The following OAS2 variants were observed in gnomAD, a reference collection of about 807,000 sequenced individuals.
OAS2 encodes the protein 2'-5'-oligoadenylate synthase 2.
OAS2 carries 67 observed loss-of-function variants against 71.3 expected under a neutral mutation model. The ratio of observed to expected loss-of-function variants is 0.94; its 90% CI spans 0.77 to 1.15. The LOEUF (loss-of-function observed/expected upper bound fraction) is 1.15. OAS2 is among the 50% of genes most tolerant of loss of function. The pLI, the probability that OAS2 is intolerant of heterozygous loss-of-function variation, is 0.00. For synonymous variants in OAS2, 327 were observed against 321.8 expected, an observed-to-expected ratio of 1.02 and a Z score of -0.17; for missense variants, 789 against 822.5, an observed-to-expected ratio of 0.96 and a Z score of 0.50.
At chr12:112,996,879 A>G (rs146558277) in intron 3 of OAS2, among the ~76,000 whole-genome samples, 28 of 152,300 alleles carry the variant, frequency 1.8e-4, no homozygotes, top group African/African-American at 6.5e-4. Flanking sequence ...AGGGAACGTT[A>G]GCTCTGGCTC....
intron 1 of OAS2, among the ~76,000 whole-genome samples, chr12:112,981,345 T>C (rs774061932): frequency 6.6e-5 from 10 of 152,170 alleles, no homozygotes; most frequent in Admixed American, 2.0e-4. Context: ...AATTTTATCA[T>C]TTCAGGCCTT....
chr12:113,008,100 C>T (rs1308088455), intron 9 of OAS2, among the ~76,000 whole-genome samples, 157 bp downstream of exon 9: 3 of 152,164 alleles, frequency 2.0e-5, no homozygotes, highest in African/African-American at 4.8e-5. Context: ...GGGATAAAAC[C>T]TAGCAGGGGC....
intron 1 of OAS2, among the ~76,000 whole-genome samples, chr12:112,985,544 A>T (rs2044126992): frequency 6.6e-6 from 1 of 152,204 alleles, no homozygotes. Flanking sequence ...TTTCTCATTC[A>T]GAGCATAAAT....
chr12:112,991,132 T>A (rs1300505777), intron 2 of OAS2, among the ~76,000 whole-genome samples: 1 of 152,220 alleles, frequency 6.6e-6, no homozygotes, highest in Non-Finnish European at 1.5e-5. Context: ...CAAACCCACA[T>A]GATGCTAGCT....
intron 2 of OAS2, chr12:112,988,106 G>C: frequency 1.0e-6 from 1 of 985,342 alleles, no homozygotes; most frequent in Non-Finnish European, 1.2e-6. Context: ...AATATTTAAG[G>C]CCATACAAAA....
Position 112,978,598 on chromosome 12 carries a change from A to C in OAS2, c.-11A>C, listed in dbSNP as rs1279501714. The C allele has an allele frequency of 2.5e-6, 4 of 1,613,612 alleles. No individual in the cohort carries two copies. The highest frequency in any genetic ancestry group is 3.4e-6 in the Non-Finnish European group (4 of 1,179,740). The stretch of plus-strand genomic sequence containing the variant: ...ACCATTCACTGTCTTGCCGGCAGCC[A>C]GCTGAGAGCAATGGGAAATGGGGAG... On this transcript the variant is annotated 5_prime_UTR_variant, in exon 1 of 10. Transcript: ENST00000392583. The surrounding 1 kb of genome is among the most constrained non-coding windows in gnomAD (Gnocchi z 4.2).
Position 113,009,631 on chromosome 12 carries a change from C to T in OAS2, c.*376C>T, listed in dbSNP as rs1263224388. The T allele has an allele frequency of 1.2e-5, 12 of 995,698 alleles. No homozygotes were observed. The highest frequency in any genetic ancestry group is 8.7e-5 in the African/African-American group (5 of 57,594). The allele number at this position is 995,698 out of a possible 1,614,324, so 61.7% of individuals were successfully genotyped here. A position where few individuals can be genotyped will look rare whatever the true frequency, so the allele number is the denominator to read the frequency against. ...GTACTTATGGCCCTGAAAGCGGCCA[C>T]GGTGCCTCCAGATGGCAGGTTTGCA... On this transcript the variant is annotated 3_prime_UTR_variant, in exon 10 of 10. Transcript: ENST00000392583.
chr12:112,982,889 T>C (rs2136375536), intron 1 of OAS2, among the ~76,000 whole-genome samples: 1 of 152,326 alleles, frequency 6.6e-6, no homozygotes, highest in Non-Finnish European at 1.5e-5. Context: ...TGTTTCTTCC[T>C]GGATCAATCT....
chr12:113,000,231 T>C (rs534617702), intron 5 of OAS2, among the ~76,000 whole-genome samples: 106 of 152,328 alleles, frequency 7.0e-4, no homozygotes, highest in African/African-American at 2.5e-3. Context: ...ATTGGGATGA[T>C]TTCGACAGTC....
At chr12:112,997,786 C>A in intron 4 of OAS2, 31 bp downstream of exon 4, 4 of 1,453,022 alleles carry the variant, frequency 2.8e-6, no homozygotes, top group Non-Finnish European at 3.7e-6. Context: ...TATCCCTGTA[C>A]CTCATCATCC....
At position 113,011,361 on chromosome 12, in the gene OAS2, G is replaced by A. The variant is rs2044379122; in HGVS notation, c.*2106G>A. 1 of 152,178 alleles carries A rather than the reference G, an allele frequency of 6.6e-6. No homozygotes were observed. The highest frequency in any genetic ancestry group is 6.5e-5 in the Admixed American group (1 of 15,282). 9.4% of individuals were successfully genotyped at this position (152,178 alleles called of 1,614,324 possible). Reference sequence around the variant, plus strand: ...CCCATGGTGGGCCCTTAGTTTCAAGGAAGGAGTTGGCCAAGCCAGAAAGAC... The same window carrying A: ...CCCATGGTGGGCCCTTAGTTTCAAGAAAGGAGTTGGCCAAGCCAGAAAGAC... On this transcript the variant is annotated 3_prime_UTR_variant, in exon 10 of 10. Transcript: ENST00000392583.
chr12:112,995,449 T>A lies in OAS2; in HGVS notation c.602T>A (p.Leu201His). The A allele has an allele frequency of 6.2e-7, 1 of 1,613,994 alleles. No individual in the cohort carries two copies. Among genetic ancestry groups the A allele is most frequent in the East Asian group, 2.2e-5 (1 of 44,888 alleles). ...NRPGKLKDLI[L>H]LIKHWHQQCQ... ...CCTGGAAAACTAAAGGATTTGATCC[T>A]CTTGATAAAGCACTGGCATCAACAG... Residue 201 changes from leucine (L) to histidine (H), a missense_variant, in exon 3 of 10, where the codon CTC (leucine) becomes CAC (histidine). Physicochemically the swap from Leu to His is moderately conservative, Grantham distance 99. Transcript: ENST00000392583.
At position 112,978,657 on chromosome 12, in the gene OAS2, G is replaced by A. The variant is rs1565987267; in HGVS notation, c.49G>A (p.Gly17Ser). ...GTCCTCGGTGCCTGCTCAGAAGCTGGGTTGGTTTATCCAGGAATACCTGAA... is the reference window on the plus strand; with the variant it reads ...GTCCTCGGTGCCTGCTCAGAAGCTGAGTTGGTTTATCCAGGAATACCTGAA... ...QLSSVPAQKL[G>S]WFIQEYLKPY... is the part of the protein sequence containing the mutation. The change falls in exon 1 of 10, where the codon GGT becomes AGT. Residue 17 changes from glycine (G) to serine (S), a missense_variant. By Grantham distance (56) the Gly-to-Ser change is moderately conservative. Transcript: ENST00000392583. The surrounding 1 kb of genome is among the most constrained non-coding windows in gnomAD (Gnocchi z 4.2). 1 of 1,614,142 alleles carries A rather than the reference G, an allele frequency of 6.2e-7. No homozygotes were observed. Among genetic ancestry groups the A allele is most frequent in the Non-Finnish European group, 8.5e-7 (1 of 1,180,016 alleles).
rs773220214 is a variant in OAS2 at position 112,978,693 on chromosome 12, G to C, written c.85G>C (p.Glu29Gln). Residue 29 changes from glutamate (E) to glutamine (Q), a missense_variant, in exon 1 of 10, where the codon GAA becomes CAA. By Grantham distance (29) the Glu-to-Gln change is conservative (BLOSUM62 2). Transcript: ENST00000392583. This position sits in a 1 kb window ranked among gnomAD's most constrained non-coding sequence, Gnocchi z 4.2. Reference protein sequence around the residue: ...FIQEYLKPYEECQTLIDEMVN... With the variant: ...FIQEYLKPYEQCQTLIDEMVN... ...CCAGGAATACCTGAAGCCCTACGAA[G>C]AATGTCAGACACTGATCGACGAGAT... 6.2e-7 allele frequency: 1 copy of C among 1,614,178 alleles called. No homozygotes were observed. The highest frequency in any genetic ancestry group is 8.5e-7 in the Non-Finnish European group (1 of 1,180,034).
intron 2 of OAS2, chr12:112,987,764 G>A (rs1442629752): frequency 4.0e-6 from 4 of 997,830 alleles, no homozygotes; most frequent in Admixed American, 6.0e-5. Flanking sequence ...AGTCCAGCTG[G>A]GGCAAGCATT....
In OAS2 at chr12:113,011,311, G is replaced by C. The variant is rs1058480; in HGVS notation, c.*2056G>C. 116,659 of 152,170 alleles carry C rather than the reference G, an allele frequency of 0.77. 46,084 individuals carry two copies. The highest frequency in any genetic ancestry group is 0.99 in the East Asian group (5,152 of 5,180). The allele number at this position is 152,170 out of a possible 1,614,324, so 9.4% of individuals were successfully genotyped here. ...TTCATAACAAGCCCTTTTCACCCAT[G>C]CCTGGGTTTATGCTAACAAGGTTAC... On this transcript the variant is annotated 3_prime_UTR_variant, in exon 10 of 10. Coordinates refer to ENST00000392583, the MANE Select transcript of OAS2 (RefSeq NM_002535.3).
Position 113,007,878 on chromosome 12 carries a change from G to A in OAS2, c.1830G>A (p.Lys610=), listed in dbSNP as rs1217480782. 1 of 1,614,162 alleles carries A rather than the reference G, an allele frequency of 6.2e-7. No homozygotes were observed. Among genetic ancestry groups the A allele is most frequent in the Non-Finnish European group, 8.5e-7 (1 of 1,180,010 alleles). ...TQYQQLCIFW[K]VNYNFEDETV... ...ATCAGCAGCTCTGCATCTTCTGGAA[G>A]GTCAATTACAACTTTGAAGATGAGA... is the stretch of plus-strand genomic sequence containing the variant. The change falls in exon 9 of 10, where the codon AAG becomes AAA. Residue 610 remains lysine, a synonymous_variant. Coordinates refer to ENST00000392583, the MANE Select transcript of OAS2 (RefSeq NM_002535.3).
In OAS2 at chr12:113,007,810, A is replaced by T. The variant is rs1423861226; in HGVS notation, c.1762A>T (p.Thr588Ser). Residue 588 changes from threonine (T) to serine (S), a missense_variant, in exon 9 of 10, where the codon ACT becomes TCT. Coordinates refer to ENST00000392583, the MANE Select transcript of OAS2 (RefSeq NM_002535.3). ...EQGSGVPDFD[T>S]AEGFRTVLEL... ...GGGGAGTGGAGTGCCGGATTTTGAC[A>T]CTGCAGAAGGTTTCCGGACAGTCCT... The T allele has an allele frequency of 1.2e-6, 2 of 1,614,056 alleles. No homozygotes were observed. Among genetic ancestry groups the T allele is most frequent in the South Asian group, 2.2e-5 (2 of 91,082 alleles).
At chr12:113,005,920 A>ACAACAACAACAACAAC (rs57002769) in intron 7 of OAS2, among the ~76,000 whole-genome samples, 2 of 32,748 alleles carry the variant, frequency 6.1e-5, no homozygotes, top group South Asian at 1.7e-3. Flanking sequence ...AACAACAACA[A>ACAACAACAACAACAAC]AAAAAAAAAA....
Sources: gnomAD v4.1 joint callset for allele counts (sites outside exome capture counted in the v4.1 genomes callset) on GRCh38, gnomAD v4.1.1 for gene constraint, Gnocchi (gnomAD v3.1) non-coding constraint, MANE v1.5 for transcripts, NCBI Gene and HGNC (gene_info 2026-07-23, HGNC 2026-07-21) for gene names.